PEMT: variants seen among roughly 807,000 people sequenced by gnomAD.
PEMT encodes the protein phospholipid methyltransferase.
Under a neutral mutation model 27.4 loss-of-function variants are expected in PEMT, and 23 were observed. The observed-to-expected ratio is 0.84, with a 90% CI of 0.60 to 1.19. The LOEUF is 1.19. Ranked by LOEUF, PEMT falls within the 50% of genes most tolerant of loss-of-function variation. PEMT has a pLI of 0.00. For synonymous variants in PEMT, 137 were observed against 139.1 expected (o/e 0.98, Z 0.11); for missense variants, 307 against 310.1 (o/e 0.99, Z 0.07).
In PEMT at chr17:17,591,606, C is replaced by A. The variant is rs1443058011; in HGVS notation, c.21G>T (p.Pro7=). The change falls in exon 1 of 7, where the codon CCG becomes CCT. Residue 7 remains proline, a synonymous_variant. Transcript: ENST00000255389. MKRSGN[P]GAEVTNSSVA... ...CCGAGCTGTTCGTTACCTCGGCTCC[C>A]GGGTTCCCAGATCTCTTCATCCGGG... 1 of 1,613,006 alleles carries A rather than the reference C, an allele frequency of 6.2e-7. No homozygotes were observed.
At chr17:17,573,093 G>A (rs1399857580) in intron 2 of PEMT, among the ~76,000 whole-genome samples, 1 of 152,222 alleles carries the variant, frequency 6.6e-6, no homozygotes, top group Non-Finnish European at 1.5e-5. Flanking sequence ...GGAGGCTGAG[G>A]CAGGAGAACC....
At chr17:17,556,064 G>A (rs1011195272) in intron 2 of PEMT, among the ~76,000 whole-genome samples, 5 of 152,250 alleles carry the variant, frequency 3.3e-5, no homozygotes, top group African/African-American at 1.2e-4. Context: ...CCTGGGGAAG[G>A]GCACAAGCAG....
intron 2 of PEMT, among the ~76,000 whole-genome samples, chr17:17,530,497 A>G (rs1908015061): frequency 6.6e-6 from 1 of 152,096 alleles, no homozygotes; most frequent in African/African-American, 2.4e-5. Context: ...CGTCTCCAAA[A>G]AAAAAGAGAG....
At chr17:17,570,768 G>T in intron 2 of PEMT, 3 of 985,472 alleles carry the variant, frequency 3.0e-6, no homozygotes, top group Non-Finnish European at 3.6e-6. Context: ...TGGCTAGAGA[G>T]GAGCAGTGGG....
intron 6 of PEMT, 130 bp from the exon 7 acceptor site, chr17:17,505,978 A>T (rs988350453): frequency 7.3e-7 from 1 of 1,361,390 alleles, no homozygotes; most frequent in African/African-American, 1.5e-5. Context: ...CCCCAGAGCC[A>T]CTGGGGCAAC....
chr17:17,564,927 C>A (rs773502899), intron 2 of PEMT, among the ~76,000 whole-genome samples: 1 of 152,160 alleles, frequency 6.6e-6, no homozygotes, highest in Non-Finnish European at 1.5e-5. Flanking sequence ...TGCCTTGGGT[C>A]ATTTTCAGCA....
intron 3 of PEMT, among the ~76,000 whole-genome samples, chr17:17,517,207 GC>G (rs1199219811): frequency 6.6e-6 from 1 of 152,118 alleles, no homozygotes; most frequent in African/African-American, 2.4e-5. Context: ...CAAAGACCCC[GC>G]CCCCGCATCC....
intron 1 of PEMT, among the ~76,000 whole-genome samples, chr17:17,586,254 A>AAGAAAGAG (rs1912272360): frequency 8.8e-6 from 1 of 114,242 alleles, no homozygotes; most frequent in African/African-American, 4.0e-5. Flanking sequence ...GAAAGAAAGA[A>AAGAAAGAG]AGAAAGAAAG....
At chr17:17,517,001 C>G (rs1003717721) in intron 3 of PEMT, among the ~76,000 whole-genome samples, 4 of 152,304 alleles carry the variant, frequency 2.6e-5, no homozygotes, top group South Asian at 2.1e-4. Context: ...CCTGGGTAGG[C>G]CTTTCCAAAA....
chr17:17,589,284 T>C (rs1183953339), intron 1 of PEMT, among the ~76,000 whole-genome samples: 1 of 151,134 alleles, frequency 6.6e-6, no homozygotes, highest in Non-Finnish European at 1.5e-5. Context: ...TTTTTTTTTT[T>C]TTTTTTTAAA....
At chr17:17,517,910 C>T (rs747574339) in intron 3 of PEMT, 17 of 929,902 alleles carry the variant, frequency 1.8e-5, no homozygotes, top group Non-Finnish European at 2.2e-5. Context: ...ACCCCACCCA[C>T]CCAGACCACC....
intron 2 of PEMT, among the ~76,000 whole-genome samples, chr17:17,545,212 G>A (rs571929403): frequency 6.6e-6 from 1 of 152,158 alleles, no homozygotes; most frequent in Non-Finnish European, 1.5e-5. Context: ...GCATTCTGAT[G>A]GACCTCACCC....
chr17:17,556,698 T>G (rs1910078763), intron 2 of PEMT, among the ~76,000 whole-genome samples: 1 of 152,148 alleles, frequency 6.6e-6, no homozygotes, highest in Admixed American at 6.5e-5. Context: ...CTGTTGCCTC[T>G]GAACATGCAT....
chr17:17,529,824 G>A (rs920392413), intron 2 of PEMT, among the ~76,000 whole-genome samples: 5 of 152,186 alleles, frequency 3.3e-5, no homozygotes, highest in African/African-American at 7.2e-5. Context: ...CTATAGCATC[G>A]TATAAAGATG....
At chr17:17,520,217 A>G (rs1413462731) in intron 3 of PEMT, among the ~76,000 whole-genome samples, 1 of 152,148 alleles carries the variant, frequency 6.6e-6, no homozygotes, top group Non-Finnish European at 1.5e-5. Flanking sequence ...TGTCCTGCCA[A>G]TGCAGCCAGG....
upstream of PEMT, chr17:17,591,745 A>G (rs1826947118): frequency 6.8e-7 from 1 of 1,462,310 alleles, no homozygotes; most frequent in East Asian, 2.5e-5. Context: ...GACCCCCAAC[A>G]TATTCCGGCC....
intron 2 of PEMT, among the ~76,000 whole-genome samples, chr17:17,573,466 C>CAA (rs71152883): frequency 3.7e-5 from 3 of 80,278 alleles, no homozygotes; most frequent in Non-Finnish European, 5.4e-5. Context: ...GATGCTGTCT[C>CAA]AAAAAAAAAA....
chr17:17,590,235 C>G (rs1247844638), intron 1 of PEMT, among the ~76,000 whole-genome samples: 1 of 152,222 alleles, frequency 6.6e-6, no homozygotes, highest in Non-Finnish European at 1.5e-5. Context: ...GGACAGTTTA[C>G]TAAAGTAATA....
chr17:17,528,962 T>C (rs1045275270), intron 2 of PEMT, among the ~76,000 whole-genome samples: 56 of 152,184 alleles, frequency 3.7e-4, no homozygotes, highest in Non-Finnish European at 7.4e-4. Flanking sequence ...CACATAAGCT[T>C]CATGTGCACG....
Sources: allele counts gnomAD v4.1 joint callset (sites outside exome capture counted in the v4.1 genomes callset), GRCh38; gene constraint gnomAD v4.1.1; transcripts MANE v1.5; gene names NCBI Gene and HGNC (gene_info 2026-07-23, HGNC 2026-07-21).